Variants in SVEP1 observed in about 807,000 individuals in gnomAD.
SVEP1 encodes sushi, von Willebrand factor type A, EGF and pentraxin domain containing 1.
Under a neutral mutation model 367.3 loss-of-function variants are expected in SVEP1, and 164 were observed. The observed-to-expected ratio is 0.45, with a 90% CI of 0.39 to 0.51. The LOEUF (loss-of-function observed/expected upper bound fraction) is 0.51. Ranked by LOEUF, SVEP1 falls within the 20% of genes least tolerant of loss-of-function variation. SVEP1 has a pLI of 0.00. For missense variants in SVEP1, 4,117 were observed against 4,425.3 expected, an observed-to-expected ratio of 0.93 and a Z score of 1.98; for synonymous variants, 1,666 against 1,611.6, an observed-to-expected ratio of 1.03 and a Z score of -0.81.
intron 1 of SVEP1, among the ~76,000 whole-genome samples, chr9:110,560,818 A>T (rs1392087745): frequency 6.6e-6 from 1 of 152,122 alleles, no homozygotes; most frequent in Non-Finnish European, 1.5e-5. Flanking sequence ...TCACAATCTA[A>T]TCGCCCCAGC....
chr9:110,401,587 A>G (rs1184251179), intron 39 of SVEP1, among the ~76,000 whole-genome samples: 1 of 150,580 alleles, frequency 6.6e-6, no homozygotes, highest in African/African-American at 2.4e-5. Flanking sequence ...ATTAAAATAA[A>G]TTTTATAAAG....
rs758634901 is a variant in SVEP1 at position 110,407,130 on chromosome 9, C to T, written c.8470G>A (p.Asp2824Asn). The T allele has an allele frequency of 1.2e-6, 2 of 1,614,050 alleles. No homozygotes were observed. Among genetic ancestry groups the T allele is most frequent in the East Asian group, 2.2e-5 (1 of 44,880 alleles). The stretch of plus-strand genomic sequence containing the variant: ...TCCACAGGAATGCAAATGGGCTCAT[C>T]CTCATCCCAGTTTTTGTCATCCTGG... ...TCQDDKNWDE[D>N]EPICIPVDCS... Residue 2824 changes from aspartate (D) to asparagine (N), a missense_variant, in exon 38 of 48, where the codon GAT becomes AAT. Transcript: ENST00000374469.
chr9:110,545,175 C>A lies in SVEP1; in HGVS notation c.964+940G>T, dbSNP rs543002071. ...TTTATCTGTTCTTCCATTGAATAGA[C>A]CCTGAGGTTGATTCCATATCTTGGC... is the stretch of plus-strand genomic sequence containing the variant. On this transcript the variant is annotated intron_variant, in intron 3 of 47. Transcript: ENST00000374469. Among the ~76,000 whole-genome samples the A allele has an allele frequency of 7.2e-5, 11 of 152,282 alleles. No homozygotes were observed. The South Asian group carries it at 2.1e-3, about 29-fold the overall frequency.
At chr9:110,451,487 T>A (rs1047955811) in intron 22 of SVEP1, 85 bp from the exon 23 acceptor site, 3 of 854,358 alleles carry the variant, frequency 3.5e-6, no homozygotes, top group Non-Finnish European at 5.5e-6. Context: ...GTTCAGGCAT[T>A]GGAATAGGGA....
chr9:110,432,406 C>T (rs4545168), intron 31 of SVEP1, 56 bp downstream of exon 31: 57,432 of 1,533,942 alleles, frequency 0.037, 1,177 homozygotes, highest in East Asian at 0.058. Context: ...TTTGGGATGA[C>T]TGTCATCTAC....
chr9:110,579,323 A>C lies in SVEP1; in HGVS notation c.221T>G (p.Leu74Arg), dbSNP rs1390781334. ...LGQAFRRRVR[L>R]LRELSERLEL... is the part of the protein sequence containing the mutation. ...CAGGCGCTCGCTGAGCTCCCGCAGC[A>C]GCCGCACGCGTCGCCGGAACGCCTG... is the stretch of plus-strand genomic sequence containing the variant. Residue 74 changes from leucine to arginine, a missense_variant, in exon 1 of 48, where the codon CTG becomes CGG. Physicochemically the swap from Leu to Arg is moderately radical, Grantham distance 102 (BLOSUM62 -2). Around this residue, in one of 4 missense-constraint regions of SVEP1, gnomAD observed 161 missense variants for 122.4 expected, o/e 1.32. Coordinates refer to ENST00000374469, the MANE Select transcript of SVEP1 (RefSeq NM_153366.4). This position sits in a 1 kb window ranked among gnomAD's most constrained non-coding sequence, Gnocchi z 5.3. 2.6e-6 allele frequency: 4 copies of C among 1,560,606 alleles called. No homozygotes were observed. Among genetic ancestry groups the C allele is most frequent in the African/African-American group, 1.4e-5 (1 of 73,598 alleles).
intron 14 of SVEP1, among the ~76,000 whole-genome samples, chr9:110,475,206 A>G (rs927012313): frequency 2.6e-5 from 4 of 152,216 alleles, no homozygotes; most frequent in Non-Finnish European, 5.9e-5. Flanking sequence ...ATCACTCTTA[A>G]TGCTAAATCA....
At chr9:110,458,385 G>T in intron 20 of SVEP1, 86 bp downstream of exon 20, 1 of 1,118,932 alleles carries the variant, frequency 8.9e-7, no homozygotes, top group Non-Finnish European at 1.3e-6. Flanking sequence ...TTTCAATCCT[G>T]GTCCTTTTCC....
intron 36 of SVEP1, among the ~76,000 whole-genome samples, chr9:110,425,097 A>G (rs1828231603): frequency 6.6e-6 from 1 of 152,248 alleles, no homozygotes; most frequent in Non-Finnish European, 1.5e-5. Flanking sequence ...GGCAAAATGC[A>G]TATTAAAGGG....
At position 110,400,849 on chromosome 9, in the gene SVEP1, C is replaced by T. The variant is rs752079169; in HGVS notation, c.9822+5G>A. 17 of 1,601,778 alleles carry T rather than the reference C, an allele frequency of 1.1e-5. 1 individual carries two copies. In the African/African-American group the frequency reaches 2.3e-4, roughly 22 times the overall value. On this transcript the variant is annotated splice_donor_5th_base_variant and intron_variant, in intron 40 of 47. Coordinates refer to ENST00000374469, the MANE Select transcript of SVEP1 (RefSeq NM_153366.4). ...TATTTCTAGTTAAACAATTTGTTCG[C>T]TTACCTCTAGTTCATAGCCAGGCTC...
At position 110,365,894 on chromosome 9, in the gene SVEP1, G is replaced by A. The variant is rs1301267786; in HGVS notation, c.*645C>T. ...CCACATCCATGAAGTTAATGCCTAC[G>A]GCTTTTCAAATGTTGTGAAAAGAAT... On this transcript the variant is annotated 3_prime_UTR_variant, in exon 48 of 48. Transcript: ENST00000374469. 2.0e-5 allele frequency: 3 copies of A among 152,162 alleles called. No individual in the cohort carries two copies. The highest frequency in any genetic ancestry group is 4.4e-5 in the Non-Finnish European group (3 of 68,038). The allele number at this position is 152,162 out of a possible 1,614,324, so 9.4% of individuals were successfully genotyped here. A position where few individuals can be genotyped will look rare whatever the true frequency, so the allele number is the denominator to read the frequency against.
At chr9:110,374,716 A>T (rs1348817216) in intron 46 of SVEP1, among the ~76,000 whole-genome samples, 1 of 152,190 alleles carries the variant, frequency 6.6e-6, no homozygotes, top group Admixed American at 6.5e-5. Flanking sequence ...GAACACTTAT[A>T]CACTGTTGGT....
chr9:110,564,209 G>C (rs76333629), intron 1 of SVEP1, among the ~76,000 whole-genome samples: 55 of 152,278 alleles, frequency 3.6e-4, no homozygotes, highest in African/African-American at 1.3e-3. Context: ...TTCCAAAAGG[G>C]CACCAAATGC....
rs71371665 is a variant in SVEP1, at chr9:110,403,296, G to GTTTTT, written c.9666+1026_9666+1030dup. 1.2e-3 allele frequency among the ~76,000 whole-genome samples: 52 copies of GTTTTT among 43,464 alleles called. 16 individuals are homozygous for GTTTTT. The highest frequency in any genetic ancestry group is 1.6e-3 in the Non-Finnish European group (42 of 27,062). 28.5% of individuals were successfully genotyped at this position (43,464 alleles called of 152,430 possible). The stretch of plus-strand genomic sequence containing the variant: ...TGATGATTCCTTCCCCGCCACCGCC[G>GTTTTT]TTTTTTTTTTTTTTTTTTTTTTTTT... On this transcript the variant is annotated intron_variant, in intron 39 of 47. Transcript: ENST00000374469.
chr9:110,399,736 G>A (rs931626111), intron 40 of SVEP1, among the ~76,000 whole-genome samples: 1 of 152,042 alleles, frequency 6.6e-6, no homozygotes, highest in Non-Finnish European at 1.5e-5. Context: ...GTCTTACTAT[G>A]TTGCCCAGCC....
Position 110,458,609 on chromosome 9 carries a change from A to G in SVEP1, c.3485-47T>C, listed in dbSNP as rs747031397. On this transcript the variant is annotated intron_variant, in intron 19 of 47. Coordinates refer to ENST00000374469, the MANE Select transcript of SVEP1 (RefSeq NM_153366.4). ...ATGTCAGTGTGGCAAATATGCCAGT[A>G]AGTGGACTATATCTAACACTATGGT... 7 of 1,523,896 alleles carry G rather than the reference A, an allele frequency of 4.6e-6. No individual in the cohort carries two copies. The Admixed American group carries it at 1.1e-4, about 25-fold the overall frequency. 94.4% of individuals were successfully genotyped at this position (1,523,896 alleles called of 1,614,324 possible). A position where few individuals can be genotyped will look rare whatever the true frequency, so the allele number is the denominator to read the frequency against.
chr9:110,444,178 T>C (rs933368232), intron 26 of SVEP1, among the ~76,000 whole-genome samples: 1 of 152,218 alleles, frequency 6.6e-6, no homozygotes, highest in East Asian at 1.9e-4. Flanking sequence ...TGTTTGATGG[T>C]TGCTGCTATG....
Position 110,446,358 on chromosome 9 carries a change from A to T in SVEP1, c.4262-320T>A, listed in dbSNP as rs559982642. ...GCATGTCTGTATGCTGATGAGAATG[A>T]CTCAGTAGAGAGGAAGTAATTGATG... On this transcript the variant is annotated intron_variant, in intron 25 of 47. Transcript: ENST00000374469. 8.1e-4 allele frequency among the ~76,000 whole-genome samples: 124 copies of T among 152,278 alleles called. 1 individual carries two copies. In the South Asian group the frequency reaches 0.011, roughly 13 times the overall value.
chr9:110,437,419 T>C (rs926488118), intron 27 of SVEP1, among the ~76,000 whole-genome samples: 2 of 152,210 alleles, frequency 1.3e-5, no homozygotes, highest in East Asian at 1.9e-4. Flanking sequence ...TTCTTAACCA[T>C]GCTCACACCT....
Sources: gnomAD v4.1 joint callset for allele counts (sites outside exome capture counted in the v4.1 genomes callset) on GRCh38, gnomAD v4.1.1 for gene constraint, gnomAD v4.1.1 regional missense constraint, Gnocchi (gnomAD v3.1) non-coding constraint, MANE v1.5 for transcripts, NCBI Gene and HGNC (gene_info 2026-07-23, HGNC 2026-07-21) for gene names.